AKAP6: variants seen among roughly 807,000 people sequenced by gnomAD.
AKAP6 encodes the protein A-kinase anchoring protein 6.
Under a neutral mutation model 188.5 loss-of-function variants are expected in AKAP6, and 58 were observed. That is an observed-to-expected ratio of 0.31 (90% CI 0.25 to 0.38). The LOEUF is 0.38. Among genes scored for constraint, AKAP6 ranks in the 10% least tolerant of loss-of-function variants. The pLI, the probability that AKAP6 is intolerant of heterozygous loss-of-function variation, is 1.00. For missense variants in AKAP6, 2,710 were observed against 2,740.0 expected (o/e 0.99, Z 0.24); for synonymous variants, 989 against 998.6 (o/e 0.99, Z 0.18).
intron 2 of AKAP6, among the ~76,000 whole-genome samples, chr14:32,471,349 TAA>T (rs1392298941): frequency 1.3e-5 from 2 of 152,192 alleles, no homozygotes; most frequent in Admixed American, 6.5e-5. Flanking sequence ...GTCACACAGC[TAA>T]AGATAGTAGA....
At chr14:32,743,045 G>A (rs891992183) in intron 11 of AKAP6, among the ~76,000 whole-genome samples, 7 of 151,970 alleles carry the variant, frequency 4.6e-5, no homozygotes, top group African/African-American at 1.7e-4. Context: ...ATTGATCTGG[G>A]TACTCTAGTA....
In AKAP6 at chr14:32,581,690, C is replaced by A. The variant is rs566978581; in HGVS notation, c.2469+4448C>A. Among the ~76,000 whole-genome samples the A allele has an allele frequency of 9.1e-4, 138 of 152,276 alleles. 1 individual carries two copies. The highest frequency in any genetic ancestry group is 3.4e-3 in the Middle Eastern group (1 of 294). On this transcript the variant is annotated intron_variant, in intron 5 of 13. Transcript: ENST00000280979. ...AATCTGGGTGCTCCTGTATTGGGTG[C>A]ATATATATTTAGGACAGTTAGCTCT...
In AKAP6 at chr14:32,408,832, T is replaced by C. The variant is rs184513441; in HGVS notation, c.-34-24628T>C. Among the ~76,000 whole-genome samples the C allele has an allele frequency of 2.5e-3, 387 of 152,248 alleles. 4 individuals carry two copies. The highest frequency in any genetic ancestry group is 8.8e-3 in the African/African-American group (367 of 41,550). On this transcript the variant is annotated intron_variant, in intron 1 of 13. Transcript: ENST00000280979. Reference sequence around the variant, plus strand: ...GTGATGGGTGGGGCTTTCTTATCCATGGCAAGGAAAATGCTGGTGAAAGGC... The same window carrying C: ...GTGATGGGTGGGGCTTTCTTATCCACGGCAAGGAAAATGCTGGTGAAAGGC...
At chr14:32,730,563 G>A (rs140145450) in intron 9 of AKAP6, among the ~76,000 whole-genome samples, 2 of 152,048 alleles carry the variant, frequency 1.3e-5, no homozygotes, top group Admixed American at 1.3e-4. Flanking sequence ...GGGTGAAGAG[G>A]GGGGGATGAG....
chr14:32,747,823 A>G (rs147907145), intron 11 of AKAP6, among the ~76,000 whole-genome samples: 15 of 152,354 alleles, frequency 9.8e-5, no homozygotes, highest in African/African-American at 3.4e-4. Context: ...TTCTGATTAC[A>G]TATTTTGCTA....
intron 1 of AKAP6, among the ~76,000 whole-genome samples, chr14:32,346,636 G>A (rs1403939590): frequency 6.6e-6 from 1 of 152,208 alleles, no homozygotes; most frequent in Non-Finnish European, 1.5e-5. Context: ...AGCCTCCCGA[G>A]TAGCTGGGAC....
chr14:32,695,265 A>G (rs969693243), intron 8 of AKAP6, among the ~76,000 whole-genome samples: 22 of 152,134 alleles, frequency 1.4e-4, no homozygotes, highest in Non-Finnish European at 2.2e-4. Flanking sequence ...TGGATCTGCC[A>G]CTGGTTCTCA....
At chr14:32,621,098 T>A (rs1318781832) in intron 7 of AKAP6, among the ~76,000 whole-genome samples, 1 of 152,070 alleles carries the variant, frequency 6.6e-6, no homozygotes, top group Non-Finnish European at 1.5e-5. Flanking sequence ...TAATGGTCTG[T>A]CAATTTTATT....
chr14:32,382,853 G>C (rs946672302), intron 1 of AKAP6, among the ~76,000 whole-genome samples: 2 of 152,274 alleles, frequency 1.3e-5, no homozygotes, highest in Admixed American at 1.3e-4. Flanking sequence ...TGGAATAGGA[G>C]AGATGTGGTA....
chr14:32,689,070 TA>T (rs1466344015), intron 8 of AKAP6, among the ~76,000 whole-genome samples: 1 of 152,172 alleles, frequency 6.6e-6, no homozygotes, highest in Non-Finnish European at 1.5e-5. Flanking sequence ...GTTTATCTTT[TA>T]AAAAAATCAT....
intron 2 of AKAP6, among the ~76,000 whole-genome samples, chr14:32,479,649 T>A (rs1879240271): frequency 6.6e-6 from 1 of 152,128 alleles, no homozygotes; most frequent in Non-Finnish European, 1.5e-5. Flanking sequence ...CCCCTACAAA[T>A]TTATATGTTG....
In AKAP6 at chr14:32,724,031, G is replaced by A. The variant is rs1281633662; in HGVS notation, c.3001-8423G>A. Among the ~76,000 whole-genome samples the A allele has an allele frequency of 6.6e-5, 10 of 151,616 alleles. No individual in the cohort carries two copies. The East Asian group carries it at 1.6e-3, about 24-fold the overall frequency. Reference sequence around the variant, plus strand: ...CCACAGTGGGAGTATTTACACCAGGGAAATCAACGAACATTACAAATCAGG... The same window carrying A: ...CCACAGTGGGAGTATTTACACCAGGAAAATCAACGAACATTACAAATCAGG... On this transcript the variant is annotated intron_variant, in intron 9 of 13. Transcript: ENST00000280979.
chr14:32,577,295 C>G (rs1301805552), intron 5 of AKAP6, 53 bp downstream of exon 5: 21 of 1,576,086 alleles, frequency 1.3e-5, no homozygotes, highest in Non-Finnish European at 1.8e-5. Context: ...TTTTAATGTA[C>G]TGCTTGTTTG....
chr14:32,346,001 A>G (rs1038399538), intron 1 of AKAP6, among the ~76,000 whole-genome samples: 1 of 152,198 alleles, frequency 6.6e-6, no homozygotes, highest in South Asian at 2.1e-4. Context: ...AAACATATAG[A>G]AGTAAAAATC....
chr14:32,531,790 G>C (rs1428282144), intron 2 of AKAP6, among the ~76,000 whole-genome samples: 1 of 152,154 alleles, frequency 6.6e-6, no homozygotes, highest in East Asian at 1.9e-4. Context: ...ATGCCTTTGA[G>C]ATTTATCCAA....
chr14:32,574,674 T>A (rs1298449849), intron 4 of AKAP6, among the ~76,000 whole-genome samples: 1 of 152,202 alleles, frequency 6.6e-6, no homozygotes, highest in Non-Finnish European at 1.5e-5. Flanking sequence ...CTTTCTGACT[T>A]AATTTTCTCC....
At chr14:32,507,071 G>C (rs1397309533) in intron 2 of AKAP6, among the ~76,000 whole-genome samples, 1 of 152,112 alleles carries the variant, frequency 6.6e-6, no homozygotes, top group Admixed American at 6.5e-5. Context: ...TTGTTGGCTG[G>C]CAAGATTGAG....
chr14:32,389,348 A>C (rs1409692180), intron 1 of AKAP6, among the ~76,000 whole-genome samples: 1 of 152,072 alleles, frequency 6.6e-6, no homozygotes, highest in African/African-American at 2.4e-5. Flanking sequence ...ATTCAATGTT[A>C]GTATTGAGAT....
At chr14:32,533,102 G>A (rs866842277) in intron 2 of AKAP6, among the ~76,000 whole-genome samples, 2 of 152,184 alleles carry the variant, frequency 1.3e-5, no homozygotes, top group Non-Finnish European at 2.9e-5. Context: ...GGGAGCTGTA[G>A]AGTAAAGGAA....
Sources: gnomAD v4.1 joint callset for allele counts (sites outside exome capture counted in the v4.1 genomes callset) on GRCh38, gnomAD v4.1.1 for gene constraint, MANE v1.5 for transcripts, NCBI Gene and HGNC (gene_info 2026-07-23, HGNC 2026-07-21) for gene names.